Variants in FAM131B observed in about 807,000 individuals in gnomAD.
FAM131B encodes family with sequence similarity 131 member B, also known as protein FAM131B.
In FAM131B, 19 loss-of-function variants were observed where a neutral mutation model predicts 42.0. The ratio of observed to expected loss-of-function variants is 0.45; its 90% CI spans 0.32 to 0.66. The LOEUF (loss-of-function observed/expected upper bound fraction) is 0.66. Among genes scored for constraint, FAM131B ranks in the 30% least tolerant of loss-of-function variants. The pLI, the probability that FAM131B is intolerant of heterozygous loss-of-function variation, is 0.05. For missense variants in FAM131B, 370 were observed against 468.4 expected, an observed-to-expected ratio of 0.79 and a Z score of 1.94; for synonymous variants, 183 against 177.6, an observed-to-expected ratio of 1.03 and a Z score of -0.24.
chr7:143,380,720 C>T, the FAM131B span: 1 of 985,460 alleles, frequency 1.0e-6, no homozygotes, highest in Non-Finnish European at 1.2e-6. The surrounding 1 kb of genome is among the most constrained non-coding windows in gnomAD (Gnocchi z 5.0). Context: ...CACACACCCC[C>T]TCCGGGCACA....
At chr7:143,378,665 C>A in the FAM131B span, among the ~76,000 whole-genome samples, 248 of 150,856 alleles carry the variant, frequency 1.6e-3, 3 homozygotes, top group African/African-American at 5.6e-3. Context: ...CTTCCGCCTC[C>A]TGGGTTCAAG....
At position 143,354,126 on chromosome 7, in the gene FAM131B, T is replaced by A. The variant is rs1056075055; in HGVS notation, c.*2424A>T. On this transcript the variant is annotated 3_prime_UTR_variant, in exon 7 of 7. Transcript: ENST00000443739. ...AGATGGTCCCAGGCCAGCTCCTCAG[T>A]CTCCCTCTTCAGAGCGAGTAGGAGC... The A allele has an allele frequency of 2.1e-5, 3 of 145,390 alleles. No homozygotes were observed. The highest frequency in any genetic ancestry group is 4.5e-5 in the Non-Finnish European group (3 of 66,864). 9.0% of individuals were successfully genotyped at this position (145,390 alleles called of 1,614,324 possible).
chr7:143,380,739 T>TG, the FAM131B span: 4 of 985,402 alleles, frequency 4.1e-6, no homozygotes, highest in African/African-American at 1.7e-5. This position sits in a 1 kb window ranked among gnomAD's most constrained non-coding sequence, Gnocchi z 5.0. Context: ...CAGAGTCAGC[T>TG]GGGGGGTGCT....
At chr7:143,380,140 CG>C in the FAM131B span, 1 of 984,200 alleles carries the variant, frequency 1.0e-6, no homozygotes, top group Non-Finnish European at 1.2e-6. The surrounding 1 kb of genome is among the most constrained non-coding windows in gnomAD (Gnocchi z 5.0). Flanking sequence ...GAAGCGCCTA[CG>C]GGTGCATACT....
the FAM131B span, chr7:143,380,148 T>C: frequency 1.0e-6 from 1 of 983,222 alleles, no homozygotes; most frequent in Non-Finnish European, 1.2e-6. The surrounding 1 kb of genome is among the most constrained non-coding windows in gnomAD (Gnocchi z 5.0). Flanking sequence ...TACGGGTGCA[T>C]ACTGGACTAG....
chr7:143,357,233 G>A (rs1394825708), intron 6 of FAM131B, 47 bp downstream of exon 6: 6 of 1,593,424 alleles, frequency 3.8e-6, no homozygotes, highest in Admixed American at 3.4e-5. Flanking sequence ...GAGATAGTTG[G>A]GGAGGCCTCA....
Position 143,359,613 on chromosome 7 carries a change from G to A in FAM131B, c.174+119C>T, listed in dbSNP as rs745701996. 32 of 1,066,280 alleles carry A rather than the reference G, an allele frequency of 3.0e-5. No homozygotes were observed. The African/African-American group carries it at 3.9e-4, about 13-fold the overall frequency. The allele number at this position is 1,066,280 out of a possible 1,614,324, so 66.1% of individuals were successfully genotyped here. A position where few individuals can be genotyped will look rare whatever the true frequency, so the allele number is the denominator to read the frequency against. ...GAAAACTGGGGCACAGGTTGAGAAC[G>A]TGAGTGCTCACAGTGCCTATTGGAG... On this transcript the variant is annotated intron_variant, in intron 3 of 6. Coordinates refer to ENST00000443739, the MANE Select transcript of FAM131B (RefSeq NM_001031690.3). The surrounding 1 kb of genome is among the most constrained non-coding windows in gnomAD (Gnocchi z 5.4).
the FAM131B span, among the ~76,000 whole-genome samples, chr7:143,378,423 C>T: frequency 2.0e-5 from 3 of 151,266 alleles, no homozygotes; most frequent in Non-Finnish European, 4.4e-5. Flanking sequence ...GTCTCCCTGG[C>T]CTGGTCTTAA....
Position 143,357,328 on chromosome 7 carries a change from A to G in FAM131B, c.562T>C (p.Leu188=), listed in dbSNP as rs1199082938. The G allele has an allele frequency of 4.3e-6, 7 of 1,613,944 alleles. No individual in the cohort carries two copies. Among genetic ancestry groups the G allele is most frequent in the Admixed American group, 3.3e-5 (2 of 59,986 alleles). The change falls in exon 6 of 7, where the codon TTG becomes CTG. Residue 188 remains leucine, a synonymous_variant. Coordinates refer to ENST00000443739, the MANE Select transcript of FAM131B (RefSeq NM_001031690.3). The part of the protein sequence containing the change: ...DMSVNSTQEP[L]GCNYSDNYQE... The stretch of plus-strand genomic sequence containing the variant: ...TAGTTGTCACTGTAGTTGCAGCCCA[A>G]TGGCTCCTGGGTGGAGTTCACACTC...
At chr7:143,370,933 G>A in the FAM131B span, among the ~76,000 whole-genome samples, 1 of 152,044 alleles carries the variant, frequency 6.6e-6, no homozygotes, top group Admixed American at 6.5e-5. Flanking sequence ...AACAGATTTT[G>A]TTCATTTCTA....
the FAM131B span, chr7:143,381,925 G>A: frequency 1.2e-6 from 1 of 838,602 alleles, no homozygotes; most frequent in Non-Finnish European, 1.8e-6. Context: ...TTACCTCATC[G>A]TGGAGCTCGT....
upstream of FAM131B, among the ~76,000 whole-genome samples, chr7:143,365,289 A>G (rs1439450863): frequency 1.3e-5 from 2 of 152,176 alleles, no homozygotes; most frequent in Middle Eastern, 3.2e-3. Flanking sequence ...AGTGGGCTGC[A>G]TGTTTGGTGT....
chr7:143,379,980 C>G, the FAM131B span: 6 of 832,596 alleles, frequency 7.2e-6, no homozygotes, highest in Admixed American at 3.7e-4. Context: ...TCTTCATAAA[C>G]TTTTGGGGTT....
At chr7:143,382,298 G>A in the FAM131B span, 18 of 1,612,568 alleles carry the variant, frequency 1.1e-5, no homozygotes, top group East Asian at 3.6e-4. Context: ...CGATGCAGAG[G>A]GTGCTCTGGG....
chr7:143,360,196 G>A, intron 1 of FAM131B, 47 bp from the exon 2 acceptor site: 1 of 1,561,856 alleles, frequency 6.4e-7, no homozygotes, highest in Non-Finnish European at 8.7e-7. Context: ...TCCCTGTGCA[G>A]CCGAGGCGAC....
chr7:143,365,352 G>A (rs1400845969), upstream of FAM131B, among the ~76,000 whole-genome samples: 1 of 152,152 alleles, frequency 6.6e-6, no homozygotes, highest in Non-Finnish European at 1.5e-5. Flanking sequence ...TGACAAGAAG[G>A]AGGCAAGATC....
the FAM131B span, chr7:143,381,357 G>A: frequency 8.7e-7 from 1 of 1,154,594 alleles, no homozygotes; most frequent in Non-Finnish European, 1.1e-6. Flanking sequence ...AGAGTCTGCG[G>A]ACCCGGCGCC....
At chr7:143,369,273 T>C in the FAM131B span, among the ~76,000 whole-genome samples, 2,380 of 152,344 alleles carry the variant, frequency 0.016, 23 homozygotes, top group Non-Finnish European at 0.022. Flanking sequence ...TGTTACATTA[T>C]TTTTCTATGA....
the FAM131B span, among the ~76,000 whole-genome samples, chr7:143,370,446 G>C: frequency 6.6e-6 from 1 of 152,212 alleles, no homozygotes; most frequent in Non-Finnish European, 1.5e-5. Flanking sequence ...TGTGTTCCCA[G>C]ACGGTTATGG....
Sources: allele counts gnomAD v4.1 joint callset (sites outside exome capture counted in the v4.1 genomes callset), GRCh38; gene constraint gnomAD v4.1.1; non-coding constraint Gnocchi (gnomAD v3.1); transcripts MANE v1.5; gene names NCBI Gene and HGNC (gene_info 2026-07-23, HGNC 2026-07-21).